Variants in NPAS2 observed in about 807,000 individuals in gnomAD.
The protein encoded by NPAS2 is neuronal PAS domain-containing protein 2.
NPAS2 carries 23 observed loss-of-function variants against 107.5 expected under a neutral mutation model. The ratio of observed to expected loss-of-function variants is 0.21; its 90% CI spans 0.15 to 0.30. The LOEUF is 0.30. Among genes scored for constraint, NPAS2 ranks in the 10% least tolerant of loss-of-function variants. The probability of loss-of-function intolerance (pLI) is 1.00; values close to 1 mark genes in which losing one functional copy is unlikely to be tolerated. For synonymous variants in NPAS2, 403 were observed against 417.5 expected, an observed-to-expected ratio of 0.97 and a Z score of 0.42; for missense variants, 756 against 1,043.3, an observed-to-expected ratio of 0.72 and a Z score of 3.79.
intron 3 of NPAS2, among the ~76,000 whole-genome samples, chr2:100,931,774 G>A (rs1043197835): frequency 2.6e-5 from 4 of 152,090 alleles, no homozygotes; most frequent in Admixed American, 2.6e-4. Flanking sequence ...GTGAGCCACC[G>A]CGCCCGGCCA....
At chr2:100,903,799 G>A (rs763963306) in intron 1 of NPAS2, among the ~76,000 whole-genome samples, 43 of 152,088 alleles carry the variant, frequency 2.8e-4, no homozygotes, top group Non-Finnish European at 5.6e-4. Context: ...TCTGCTTGAT[G>A]TGCTGACTTG....
At chr2:100,942,907 G>T (rs12328138) in intron 5 of NPAS2, among the ~76,000 whole-genome samples, 1 of 152,212 alleles carries the variant, frequency 6.6e-6, no homozygotes. Flanking sequence ...CACACTGGCA[G>T]ATGTAGCTGC....
chr2:100,832,924 C>T (rs553763108), intron 1 of NPAS2, among the ~76,000 whole-genome samples: 3 of 152,288 alleles, frequency 2.0e-5, no homozygotes, highest in Admixed American at 6.5e-5. Flanking sequence ...GCAACGGCAT[C>T]TCTTTGCCCA....
At chr2:100,849,399 G>A (rs1323846623) in intron 1 of NPAS2, among the ~76,000 whole-genome samples, 1 of 152,150 alleles carries the variant, frequency 6.6e-6, no homozygotes, top group Non-Finnish European at 1.5e-5. Flanking sequence ...ATGGCTTGGA[G>A]CAAAGACAAG....
At chr2:100,961,661 C>T (rs931561959) in intron 7 of NPAS2, among the ~76,000 whole-genome samples, 2 of 152,190 alleles carry the variant, frequency 1.3e-5, no homozygotes, top group Non-Finnish European at 2.9e-5. Context: ...AAAACATCCA[C>T]CTAATGTCCA....
intron 1 of NPAS2, among the ~76,000 whole-genome samples, chr2:100,883,927 G>A (rs1290927062): frequency 6.6e-6 from 1 of 152,140 alleles, no homozygotes; most frequent in Non-Finnish European, 1.5e-5. Context: ...ACACAGAGAA[G>A]TGTTTCTGTT....
At chr2:100,862,528 G>A (rs940363502) in intron 1 of NPAS2, among the ~76,000 whole-genome samples, 3 of 152,178 alleles carry the variant, frequency 2.0e-5, no homozygotes, top group African/African-American at 7.2e-5. Context: ...CTGTGGTCAG[G>A]TCTGGAGGTC....
chr2:100,849,489 A>C (rs1295096606), intron 1 of NPAS2, among the ~76,000 whole-genome samples: 1 of 152,094 alleles, frequency 6.6e-6, no homozygotes, highest in Non-Finnish European at 1.5e-5. Flanking sequence ...CAGGTTCTTC[A>C]TAGGGTCAGA....
chr2:100,982,291 A>G lies in NPAS2; in HGVS notation c.1543A>G (p.Ile515Val). The change falls in exon 16 of 21, where the codon ATC (isoleucine) becomes GTC (valine). Residue 515 changes from isoleucine (I) to valine (V), a missense_variant. Around this residue, in one of 4 missense-constraint regions of NPAS2, gnomAD observed 496 missense variants for 594.4 expected, o/e 0.83. Coordinates refer to ENST00000335681, the MANE Select transcript of NPAS2 (RefSeq NM_002518.4). Reference protein sequence around the residue: ...IKDQLEQRTRILQANIRWQQE... With the variant: ...IKDQLEQRTRVLQANIRWQQE... ...AGACCAGCTAGAGCAGCGGACGCGG[A>G]TCCTGCAGGCCAATATCCGGTGGCA... 1 of 1,614,200 alleles carries G rather than the reference A, an allele frequency of 6.2e-7. No individual in the cohort carries two copies. The highest frequency in any genetic ancestry group is 1.1e-5 in the South Asian group (1 of 91,084).
intron 16 of NPAS2, chr2:100,987,717 C>T (rs949372281): frequency 1.5e-5 from 4 of 264,534 alleles, no homozygotes; most frequent in African/African-American, 8.8e-5. Flanking sequence ...GCATTCCACT[C>T]ACCAGGTATT....
intron 5 of NPAS2, among the ~76,000 whole-genome samples, chr2:100,947,552 C>CAAAAA (rs35943087): frequency 7.2e-6 from 1 of 138,196 alleles, no homozygotes; most frequent in African/African-American, 2.7e-5. Flanking sequence ...CACTCTGTCT[C>CAAAAA]AAAAAAAAAA....
chr2:100,854,903 C>T (rs1375058406), intron 1 of NPAS2, among the ~76,000 whole-genome samples: 2 of 152,108 alleles, frequency 1.3e-5, no homozygotes, highest in Non-Finnish European at 2.9e-5. Context: ...GACCCTGAAA[C>T]GCTGTGTGAG....
At position 100,990,719 on chromosome 2, in the gene NPAS2, G is replaced by A. The variant is rs756218611; in HGVS notation, c.2019-61G>A. 63 of 1,450,982 alleles carry A rather than the reference G, an allele frequency of 4.3e-5. 1 individual carries two copies. The highest frequency in any genetic ancestry group is 3.2e-4 in the South Asian group (28 of 87,646). The allele number at this position is 1,450,982 out of a possible 1,614,324, so 89.9% of individuals were successfully genotyped here. On this transcript the variant is annotated intron_variant, in intron 18 of 20. Coordinates refer to ENST00000335681, the MANE Select transcript of NPAS2 (RefSeq NM_002518.4). ...AGCCAGGCTGAGCAAGTGCTGCCAC[G>A]ACCAGTGGGTCTGTGGTTCAGGTGC...
intron 15 of NPAS2, 54 bp from the exon 16 acceptor site, chr2:100,982,177 G>T: frequency 6.2e-7 from 1 of 1,600,702 alleles, no homozygotes; most frequent in Admixed American, 1.7e-5. Flanking sequence ...AGATCTGCCT[G>T]CAAGGCTGAA....
At chr2:100,880,398 G>A (rs1220802755) in intron 1 of NPAS2, among the ~76,000 whole-genome samples, 1 of 152,204 alleles carries the variant, frequency 6.6e-6, no homozygotes, top group African/African-American at 2.4e-5. Context: ...ATCAGTGGAT[G>A]AATGAAGAAA....
At chr2:100,842,385 C>T (rs907715619) in intron 1 of NPAS2, among the ~76,000 whole-genome samples, 18 of 152,206 alleles carry the variant, frequency 1.2e-4, no homozygotes, top group Non-Finnish European at 2.4e-4. Context: ...CAGAATGCAT[C>T]GTGCGCCATC....
chr2:100,820,453 G>A lies in NPAS2; in HGVS notation c.-23+39G>A, dbSNP rs1219465055. 2 of 150,850 alleles carry A rather than the reference G, an allele frequency of 1.3e-5. No individual in the cohort carries two copies. Among genetic ancestry groups the A allele is most frequent in the East Asian group, 4.1e-4 (2 of 4,930 alleles). 9.3% of individuals were successfully genotyped at this position (150,850 alleles called of 1,614,324 possible). On this transcript the variant is annotated intron_variant, in intron 1 of 20. Transcript: ENST00000335681. The surrounding 1 kb of genome is among the most constrained non-coding windows in gnomAD (Gnocchi z 5.6). ...CCTAGGGGCGCGGGGGACCCAGGGT[G>A]GGTAGTACGTGCGCGCGGGGTCGCA...
intron 1 of NPAS2, among the ~76,000 whole-genome samples, chr2:100,854,975 A>G (rs1216050101): frequency 1.3e-5 from 2 of 152,216 alleles, no homozygotes; most frequent in African/African-American, 2.4e-5. Context: ...AACGAATGCA[A>G]GCTCTGCTAT....
chr2:100,875,785 G>A (rs1212443968), intron 1 of NPAS2, among the ~76,000 whole-genome samples: 2 of 152,192 alleles, frequency 1.3e-5, no homozygotes, highest in African/African-American at 4.8e-5. Flanking sequence ...CAGAACAATG[G>A]CAGACGGCAT....
Sources: gnomAD v4.1 joint callset for allele counts (sites outside exome capture counted in the v4.1 genomes callset) on GRCh38, gnomAD v4.1.1 for gene constraint, gnomAD v4.1.1 regional missense constraint, Gnocchi (gnomAD v3.1) non-coding constraint, MANE v1.5 for transcripts, NCBI Gene and HGNC (gene_info 2026-07-23, HGNC 2026-07-21) for gene names.